The following LRP1B variants were observed in gnomAD, a reference collection of about 807,000 sequenced individuals.
LRP1B encodes the protein LDL receptor related protein 1B, also known as low-density lipoprotein receptor-related protein 1B.
LRP1B carries 217 observed loss-of-function variants against 556.6 expected under a neutral mutation model. The ratio of observed to expected loss-of-function variants is 0.39; its 90% CI spans 0.35 to 0.44. The LOEUF is 0.44. Ranked by LOEUF, LRP1B falls within the 20% of genes least tolerant of loss-of-function variation. The pLI, the probability that LRP1B is intolerant of heterozygous loss-of-function variation, is 1.00. For synonymous variants in LRP1B, 2,047 were observed against 1,865.8 expected, an observed-to-expected ratio of 1.10 and a Z score of -2.50; for missense variants, 5,053 against 5,620.8, an observed-to-expected ratio of 0.90 and a Z score of 3.23.
intron 66 of LRP1B, among the ~76,000 whole-genome samples, chr2:140,428,856 C>G (rs1383252309): frequency 6.6e-6 from 1 of 152,102 alleles, no homozygotes; most frequent in African/African-American, 2.4e-5. Flanking sequence ...CTTTTTTAAG[C>G]ACTCTTTTTT....
At chr2:141,858,444 G>C (rs1445086186) in intron 1 of LRP1B, among the ~76,000 whole-genome samples, 1 of 152,030 alleles carries the variant, frequency 6.6e-6, no homozygotes, top group Non-Finnish European at 1.5e-5. Context: ...AATTCTTTTT[G>C]AATGAATGAA....
chr2:140,421,254 C>CA (rs1192965810), intron 66 of LRP1B, among the ~76,000 whole-genome samples: 1 of 151,632 alleles, frequency 6.6e-6, no homozygotes, highest in East Asian at 1.9e-4. Flanking sequence ...GATTCTGTCT[C>CA]AAAAAAACAA....
intron 60 of LRP1B, among the ~76,000 whole-genome samples, chr2:140,461,189 A>AT (rs1687303528): frequency 6.6e-6 from 1 of 151,950 alleles, no homozygotes; most frequent in African/African-American, 2.4e-5. Context: ...TTGATTATTC[A>AT]TTTTTTTAGT....
chr2:142,001,545 G>A (rs571625022), intron 1 of LRP1B, among the ~76,000 whole-genome samples: 22 of 152,240 alleles, frequency 1.4e-4, no homozygotes, highest in Non-Finnish European at 2.9e-4. Context: ...GCAAAGAAAG[G>A]TAAGGATAAC....
At chr2:140,291,043 T>G (rs1433214089) in intron 84 of LRP1B, among the ~76,000 whole-genome samples, 2 of 151,862 alleles carry the variant, frequency 1.3e-5, no homozygotes, top group Non-Finnish European at 2.9e-5. Context: ...GGATACATAT[T>G]CACATATTAG....
intron 2 of LRP1B, among the ~76,000 whole-genome samples, chr2:141,536,951 A>G (rs991834033): frequency 6.6e-6 from 1 of 151,990 alleles, no homozygotes; most frequent in Non-Finnish European, 1.5e-5. Context: ...AATTCTCCCC[A>G]TACCTATCCT....
At chr2:141,670,600 C>T (rs2105411694) in intron 2 of LRP1B, among the ~76,000 whole-genome samples, 1 of 152,210 alleles carries the variant, frequency 6.6e-6, no homozygotes, top group Admixed American at 6.5e-5. Flanking sequence ...ATGTGACAGG[C>T]TGGTATGAAT....
intron 59 of LRP1B, among the ~76,000 whole-genome samples, chr2:140,476,540 T>C (rs1184157043): frequency 6.6e-6 from 1 of 151,958 alleles, no homozygotes; most frequent in Non-Finnish European, 1.5e-5. Context: ...GGAAAGAGTT[T>C]TCAGGAAAAT....
At chr2:141,663,412 A>AT (rs1047451530) in intron 2 of LRP1B, among the ~76,000 whole-genome samples, 4 of 151,186 alleles carry the variant, frequency 2.6e-5, no homozygotes, top group African/African-American at 9.7e-5. Flanking sequence ...TGGTTTTGTA[A>AT]AAAAAAAAAT....
At chr2:141,856,339 A>G (rs913828765) in intron 1 of LRP1B, among the ~76,000 whole-genome samples, 1 of 152,134 alleles carries the variant, frequency 6.6e-6, no homozygotes, top group Non-Finnish European at 1.5e-5. Flanking sequence ...AGGGATCTCA[A>G]AAGGATCATC....
At chr2:141,693,784 G>A (rs558591739) in intron 2 of LRP1B, among the ~76,000 whole-genome samples, 34 of 152,008 alleles carry the variant, frequency 2.2e-4, no homozygotes, top group Non-Finnish European at 4.4e-4. Flanking sequence ...TCCCCTTGGG[G>A]TTTTAGATTC....
chr2:141,232,083 G>A (rs1683493427), intron 5 of LRP1B, among the ~76,000 whole-genome samples: 2 of 152,120 alleles, frequency 1.3e-5, no homozygotes, highest in South Asian at 4.1e-4. Context: ...ATCTGAGCCT[G>A]GTTAGCTAGT....
chr2:140,853,890 A>G (rs1292125650), intron 27 of LRP1B, among the ~76,000 whole-genome samples: 1 of 152,004 alleles, frequency 6.6e-6, no homozygotes, highest in African/African-American at 2.4e-5. Flanking sequence ...TGAAGTCCCT[A>G]AGGAATCGCA....
intron 11 of LRP1B, among the ~76,000 whole-genome samples, chr2:141,040,493 GGTCA>G (rs1698665866): frequency 2.0e-5 from 3 of 152,060 alleles, no homozygotes; most frequent in South Asian, 4.2e-4. Flanking sequence ...CCTACTATAA[GGTCA>G]GTGTCATTCA....
intron 14 of LRP1B, among the ~76,000 whole-genome samples, chr2:141,008,629 A>G (rs1162677947): frequency 1.3e-5 from 2 of 151,912 alleles, no homozygotes; most frequent in African/African-American, 2.4e-5. Context: ...TTCATTATCT[A>G]GTTGAAGAAG....
At chr2:141,534,611 T>A (rs1685005927) in intron 2 of LRP1B, among the ~76,000 whole-genome samples, 1 of 152,014 alleles carries the variant, frequency 6.6e-6, no homozygotes, top group Non-Finnish European at 1.5e-5. Context: ...GGAAACAAAT[T>A]TGTATATATA....
intron 79 of LRP1B, among the ~76,000 whole-genome samples, chr2:140,329,665 A>ATACTT (rs1361097978): frequency 1.3e-5 from 2 of 152,048 alleles, no homozygotes; most frequent in African/African-American, 4.8e-5. Context: ...AGACAATAAA[A>ATACTT]TACTTAGAAA....
At chr2:141,811,464 A>T (rs970172859) in intron 1 of LRP1B, among the ~76,000 whole-genome samples, 1 of 151,922 alleles carries the variant, frequency 6.6e-6, no homozygotes, top group Non-Finnish European at 1.5e-5. Context: ...TATATCTTAC[A>T]CTCAATGGTA....
intron 23 of LRP1B, among the ~76,000 whole-genome samples, chr2:140,890,584 CAAA>C (rs950928227): frequency 2.0e-4 from 31 of 151,962 alleles, no homozygotes; most frequent in African/African-American, 7.5e-4. Flanking sequence ...AATAAACAAA[CAAA>C]ATAAACTAGT....
Sources: allele counts gnomAD v4.1 joint callset (sites outside exome capture counted in the v4.1 genomes callset), GRCh38; gene constraint gnomAD v4.1.1; transcripts MANE v1.5; gene names NCBI Gene and HGNC (gene_info 2026-07-23, HGNC 2026-07-21).